The following ROBO1 variants were observed in gnomAD, a reference collection of about 807,000 sequenced individuals.
ROBO1 encodes the protein roundabout guidance receptor 1, also known as roundabout homolog 1.
A neutral mutation model predicts 195.9 loss-of-function variants in ROBO1; 149 were observed. The ratio of observed to expected loss-of-function variants is 0.76; its 90% CI spans 0.67 to 0.87. The LOEUF (loss-of-function observed/expected upper bound fraction) is 0.87, where lower values mean the gene tolerates loss of function less well. Among genes scored for constraint, ROBO1 ranks in the 40% least tolerant of loss-of-function variants. The pLI is 0.00. For synonymous variants in ROBO1, 816 were observed against 733.2 expected (o/e 1.11, Z -1.82); for missense variants, 1,933 against 2,068.3 (o/e 0.93, Z 1.27).
intron 1 of ROBO1, among the ~76,000 whole-genome samples, chr3:79,704,722 C>T (rs1947716372): frequency 6.6e-6 from 1 of 151,950 alleles, no homozygotes; most frequent in African/African-American, 2.4e-5. Flanking sequence ...GTCACTGTGT[C>T]ATATAATAGG....
intron 1 of ROBO1, among the ~76,000 whole-genome samples, chr3:79,690,109 C>A (rs1327350261): frequency 6.6e-6 from 1 of 151,790 alleles, no homozygotes; most frequent in Non-Finnish European, 1.5e-5. Flanking sequence ...AATATCTTTA[C>A]AAAAGTATTA....
At chr3:79,421,989 T>G (rs1431700999) in intron 2 of ROBO1, among the ~76,000 whole-genome samples, 1 of 151,496 alleles carries the variant, frequency 6.6e-6, no homozygotes, top group East Asian at 1.9e-4. Context: ...ATATCCACTC[T>G]GCAACTCTGA....
chr3:79,334,986 G>T (rs2034605288), intron 2 of ROBO1, among the ~76,000 whole-genome samples: 1 of 152,028 alleles, frequency 6.6e-6, no homozygotes, highest in Non-Finnish European at 1.5e-5. Context: ...GCATGTTGGT[G>T]CATGCCGGTA....
chr3:79,022,562 G>A (rs935609887), intron 3 of ROBO1, among the ~76,000 whole-genome samples: 3 of 152,220 alleles, frequency 2.0e-5, no homozygotes, highest in Non-Finnish European at 4.4e-5. Context: ...GTGCAAGTGT[G>A]AGTGTACACA....
chr3:78,978,669 C>A (rs986117667), intron 3 of ROBO1, among the ~76,000 whole-genome samples: 4 of 152,016 alleles, frequency 2.6e-5, no homozygotes, highest in Admixed American at 2.6e-4. Flanking sequence ...TGGTGCAGAG[C>A]CTTGTACTTT....
intron 4 of ROBO1, among the ~76,000 whole-genome samples, chr3:78,914,428 G>A (rs529966474): frequency 6.6e-6 from 1 of 151,862 alleles, no homozygotes; most frequent in Non-Finnish European, 1.5e-5. Flanking sequence ...TGTTGAAAAG[G>A]TTTAAGGTTA....
intron 2 of ROBO1, among the ~76,000 whole-genome samples, chr3:79,468,692 T>C (rs934930479): frequency 3.3e-5 from 5 of 152,018 alleles, no homozygotes; most frequent in African/African-American, 1.2e-4. Context: ...TCAGAAAATG[T>C]GAGAATGACC....
chr3:79,678,387 T>C (rs1222873136), intron 1 of ROBO1, among the ~76,000 whole-genome samples: 1 of 152,070 alleles, frequency 6.6e-6, no homozygotes, highest in Non-Finnish European at 1.5e-5. Context: ...AAGCATTTAC[T>C]ATAGCCACTA....
chr3:78,755,910 G>A (rs1227988929), intron 4 of ROBO1, among the ~76,000 whole-genome samples: 2 of 152,104 alleles, frequency 1.3e-5, no homozygotes, highest in East Asian at 3.9e-4. Context: ...TGAGCTATTT[G>A]GATCTATATG....
At chr3:78,832,141 A>G (rs1328986565) in intron 4 of ROBO1, among the ~76,000 whole-genome samples, 3 of 152,194 alleles carry the variant, frequency 2.0e-5, no homozygotes, top group Non-Finnish European at 4.4e-5. Context: ...TTCAAAACAA[A>G]AAAGAGTCAC....
chr3:79,524,578 A>G (rs1941350190), intron 2 of ROBO1, among the ~76,000 whole-genome samples: 1 of 152,140 alleles, frequency 6.6e-6, no homozygotes, highest in East Asian at 1.9e-4. Flanking sequence ...GGGCTTTCAG[A>G]TTTTTAAAGC....
At chr3:79,528,993 T>C (rs1941543689) in intron 2 of ROBO1, among the ~76,000 whole-genome samples, 2 of 152,236 alleles carry the variant, frequency 1.3e-5, no homozygotes, top group South Asian at 4.1e-4. Flanking sequence ...AAATTATTTT[T>C]ACAGCATGTA....
At chr3:79,679,331 A>G (rs1946877101) in intron 1 of ROBO1, among the ~76,000 whole-genome samples, 1 of 152,002 alleles carries the variant, frequency 6.6e-6, no homozygotes, top group Non-Finnish European at 1.5e-5. Context: ...TTTACATAGC[A>G]TTCCATATTA....
chr3:78,757,117 C>A (rs993870443), intron 4 of ROBO1, among the ~76,000 whole-genome samples: 1 of 152,110 alleles, frequency 6.6e-6, no homozygotes, highest in Non-Finnish European at 1.5e-5. Flanking sequence ...GTCTCAAACT[C>A]CTGACCTCAC....
At chr3:78,726,249 T>C (rs2082159359) in intron 5 of ROBO1, among the ~76,000 whole-genome samples, 1 of 152,156 alleles carries the variant, frequency 6.6e-6, no homozygotes, top group African/African-American at 2.4e-5. Flanking sequence ...AAACAATGAA[T>C]AATAGAATAT....
rs573785538 is a variant in ROBO1, at chr3:79,714,790, T to A, written c.-51+52962A>T. On this transcript the variant is annotated intron_variant, in intron 1 of 30. Coordinates refer to ENST00000464233, the MANE Select transcript of ROBO1 (RefSeq NM_002941.4). Reference sequence around the variant, plus strand: ...GCATGTTCTCACTCATAGGTGGGAATTGAACAATGGGAACACATGGGCACA... The same window carrying A: ...GCATGTTCTCACTCATAGGTGGGAAATGAACAATGGGAACACATGGGCACA... 1.9e-4 allele frequency among the ~76,000 whole-genome samples: 27 copies of A among 145,230 alleles called. No individual in the cohort carries two copies. In the South Asian group the frequency reaches 5.0e-3, roughly 27 times the overall value.
intron 10 of ROBO1, among the ~76,000 whole-genome samples, chr3:78,675,524 T>C (rs929911690): frequency 3.9e-5 from 6 of 152,152 alleles, no homozygotes; most frequent in Non-Finnish European, 7.3e-5. Flanking sequence ...TATCCCGCAC[T>C]TGGCTCGGAG....
intron 4 of ROBO1, among the ~76,000 whole-genome samples, chr3:78,774,928 A>T (rs921914149): frequency 1.3e-5 from 2 of 152,232 alleles, no homozygotes; most frequent in African/African-American, 4.8e-5. Context: ...ATCCACTGGT[A>T]AATTCGTAAT....
At chr3:79,244,474 C>G (rs2082584881) in intron 2 of ROBO1, among the ~76,000 whole-genome samples, 1 of 152,092 alleles carries the variant, frequency 6.6e-6, no homozygotes, top group African/African-American at 2.4e-5. Context: ...CTTTTGAAAA[C>G]TATTTCAAGC....
Sources: allele counts gnomAD v4.1 joint callset (sites outside exome capture counted in the v4.1 genomes callset), GRCh38; gene constraint gnomAD v4.1.1; transcripts MANE v1.5; gene names NCBI Gene and HGNC (gene_info 2026-07-23, HGNC 2026-07-21).